PCDH11X: variants seen among roughly 807,000 people sequenced by gnomAD.
The protein encoded by PCDH11X is protocadherin-11 X-linked.
A neutral mutation model predicts 53.3 loss-of-function variants in PCDH11X; 18 were observed. The ratio of observed to expected loss-of-function variants is 0.34; its 90% CI spans 0.23 to 0.50. The LOEUF (loss-of-function observed/expected upper bound fraction) is 0.50. Ranked by LOEUF, PCDH11X falls within the 20% of genes least tolerant of loss-of-function variation. PCDH11X has a pLI of 0.98. For synonymous variants in PCDH11X, 279 were observed against 393.3 expected (o/e 0.71, Z 3.44); for missense variants, 570 against 1,032.4 (o/e 0.55, Z 6.14).
At chrX:92,204,037 A>G (rs368251909) in intron 7 of PCDH11X, among the ~76,000 whole-genome samples, 1 of 112,013 alleles carries the variant, frequency 8.9e-6, no homozygotes, top group South Asian at 3.8e-4. Flanking sequence ...ACTGGAACTG[A>G]AGCACCTGTG....
At chrX:92,484,167 GTA>G (rs759954092) in intron 10 of PCDH11X, among the ~76,000 whole-genome samples, 147 of 35,079 alleles carry the variant, frequency 4.2e-3, no homozygotes, top group East Asian at 0.015. Flanking sequence ...ATGTATATAT[GTA>G]TATATATGTA....
At chrX:92,584,177 GA>G (rs1485796267) in intron 10 of PCDH11X, among the ~76,000 whole-genome samples, 4 of 109,187 alleles carry the variant, frequency 3.7e-5, no homozygotes, top group African/African-American at 1.3e-4. Flanking sequence ...TATTAGTGAT[GA>G]GGGGAAATCT....
chrX:92,447,497 G>C (rs1176173041), intron 9 of PCDH11X, among the ~76,000 whole-genome samples: 1 of 111,654 alleles, frequency 9.0e-6, no homozygotes, highest in Admixed American at 9.5e-5. Context: ...AGCCTTGGCA[G>C]CTTCCATGTG....
intron 6 of PCDH11X, among the ~76,000 whole-genome samples, chrX:91,965,205 T>C (rs1209476680): frequency 9.1e-6 from 1 of 109,426 alleles, no homozygotes; most frequent in Non-Finnish European, 1.9e-5. Flanking sequence ...TAAAAGACAA[T>C]GCATGAGAAA....
intron 1 of PCDH11X, among the ~76,000 whole-genome samples, chrX:91,805,709 C>T (rs1351802301): frequency 6.5e-5 from 7 of 107,076 alleles, no homozygotes; most frequent in Non-Finnish European, 1.3e-4. Flanking sequence ...ACCTATAATT[C>T]CAGCTACAGG....
chrX:92,209,350 C>T (rs779613177), intron 7 of PCDH11X, among the ~76,000 whole-genome samples: 3 of 111,983 alleles, frequency 2.7e-5, no homozygotes, highest in Non-Finnish European at 5.6e-5. Context: ...AGGGTACAGG[C>T]ATTGGGTAAA....
At chrX:92,245,411 A>T (rs2067330223) in intron 7 of PCDH11X, among the ~76,000 whole-genome samples, 1 of 112,589 alleles carries the variant, frequency 8.9e-6, no homozygotes, top group Non-Finnish European at 1.9e-5. Flanking sequence ...CTAAATATTT[A>T]TAAATTATTC....
At chrX:92,318,540 T>A (rs1388952466) in intron 8 of PCDH11X, among the ~76,000 whole-genome samples, 1 of 111,565 alleles carries the variant, frequency 9.0e-6, no homozygotes, top group Non-Finnish European at 1.9e-5. Flanking sequence ...AGGCCACAAC[T>A]GCATAAACCC....
intron 6 of PCDH11X, among the ~76,000 whole-genome samples, chrX:91,920,118 A>G (rs1240289034): frequency 9.0e-6 from 1 of 111,716 alleles, no homozygotes; most frequent in African/African-American, 3.3e-5. Flanking sequence ...ACAAAAACAC[A>G]TTTTATTCCC....
chrX:92,603,706 A>G (rs1926482234), intron 10 of PCDH11X, among the ~76,000 whole-genome samples: 1 of 100,219 alleles, frequency 1.0e-5, no homozygotes, highest in Non-Finnish European at 2.0e-5. Context: ...AAACCTTCCT[A>G]GATAAACAAA....
chrX:92,144,918 T>C (rs1490344313), intron 6 of PCDH11X, among the ~76,000 whole-genome samples: 1 of 111,612 alleles, frequency 9.0e-6, no homozygotes, highest in Non-Finnish European at 1.9e-5. Flanking sequence ...ATCTAAATGA[T>C]ATGGTGTCAG....
At chrX:91,865,697 T>G (rs1378706763) in intron 5 of PCDH11X, among the ~76,000 whole-genome samples, 2 of 112,226 alleles carry the variant, frequency 1.8e-5, no homozygotes, top group African/African-American at 6.5e-5. Flanking sequence ...GCGACTGAGT[T>G]GGCACTCAAA....
rs1181804853 is a variant in PCDH11X, at chrX:92,097,861, T to C, written c.3034-103514T>C. Among the ~76,000 whole-genome samples the C allele has an allele frequency of 4.5e-5, 5 of 111,134 alleles. No homozygotes were observed. In the East Asian group the frequency reaches 1.4e-3, roughly 31 times the overall value. ...TATAGTCTACACACCTTCTCCTGTA[T>C]ATTTTAAATTATTTCTAGATTACTT... On this transcript the variant is annotated intron_variant, in intron 6 of 10. Coordinates refer to ENST00000682573, the MANE Select transcript of PCDH11X (RefSeq NM_032968.5).
Position 92,489,815 on chromosome X carries a change from A to G in PCDH11X, c.3367+21493A>G, listed in dbSNP as rs766245537. ...TAAAAATTTATACTTACACATATAT[A>G]TATATATCCATTAAATTGCTAATAT... On this transcript the variant is annotated intron_variant, in intron 10 of 10. Coordinates refer to ENST00000682573, the MANE Select transcript of PCDH11X (RefSeq NM_032968.5). Among the ~76,000 whole-genome samples, 192 of 104,999 alleles carry G rather than the reference A, an allele frequency of 1.8e-3. 1 individual carries two copies. Among genetic ancestry groups the G allele is most frequent in the South Asian group, 0.011 (26 of 2,452 alleles). The allele number at this position is 104,999 out of a possible 115,157, so 91.2% of individuals were successfully genotyped here.
chrX:92,097,891 T>C (rs1412204903), intron 6 of PCDH11X, among the ~76,000 whole-genome samples: 1 of 110,751 alleles, frequency 9.0e-6, no homozygotes, highest in Non-Finnish European at 1.9e-5. Flanking sequence ...TTACTTATAA[T>C]ACCTAATACA....
At chrX:91,884,076 A>G (rs1940073348) in intron 6 of PCDH11X, 1 of 123,116 alleles carries the variant, frequency 8.1e-6, no homozygotes, top group African/African-American at 3.6e-5. Context: ...CTGTAATCCC[A>G]GCTACTCGGG....
At chrX:91,907,928 C>G (rs1425331915) in intron 6 of PCDH11X, among the ~76,000 whole-genome samples, 1 of 111,621 alleles carries the variant, frequency 9.0e-6, no homozygotes, top group Non-Finnish European at 1.9e-5. Flanking sequence ...ATAATGGCCT[C>G]CAGCTCCATC....
intron 10 of PCDH11X, among the ~76,000 whole-genome samples, chrX:92,613,348 T>C (rs1927582920): frequency 9.0e-6 from 1 of 110,980 alleles, no homozygotes; most frequent in Non-Finnish European, 1.9e-5. Flanking sequence ...CTCCTTTGCC[T>C]ATGGAACATA....
chrX:92,041,826 G>A (rs1329882797), intron 6 of PCDH11X, among the ~76,000 whole-genome samples: 1 of 111,170 alleles, frequency 9.0e-6, no homozygotes, highest in East Asian at 2.8e-4. Context: ...AAAGTTAGCC[G>A]GGTTTGGTGG....
Sources: allele counts gnomAD v4.1 joint callset (sites outside exome capture counted in the v4.1 genomes callset), GRCh38; gene constraint gnomAD v4.1.1; transcripts MANE v1.5; gene names NCBI Gene and HGNC (gene_info 2026-07-23, HGNC 2026-07-21).